The following DISC1 variants were observed in gnomAD, a reference collection of about 807,000 sequenced individuals.
DISC1 encodes disrupted in schizophrenia 1 protein.
A neutral mutation model predicts 84.5 loss-of-function variants in DISC1; 57 were observed. That is an observed-to-expected ratio of 0.67 (90% CI 0.55 to 0.84). The LOEUF (loss-of-function observed/expected upper bound fraction) is 0.84. Ranked by LOEUF, DISC1 falls within the 40% of genes least tolerant of loss-of-function variation. The probability of loss-of-function intolerance (pLI) is 0.00; values close to 1 mark genes in which losing one functional copy is unlikely to be tolerated. For synonymous variants in DISC1, 411 were observed against 415.2 expected, an observed-to-expected ratio of 0.99 and a Z score of 0.12; for missense variants, 1,000 against 1,057.8, an observed-to-expected ratio of 0.95 and a Z score of 0.76.
At chr1:231,893,758 C>T (rs2087448189) in intron 9 of DISC1, among the ~76,000 whole-genome samples, 1 of 152,122 alleles carries the variant, frequency 6.6e-6, no homozygotes, top group Admixed American at 6.5e-5. Context: ...GTTCCATTGG[C>T]AAATGCAAGT....
chr1:231,848,009 T>A (rs1459867103), intron 9 of DISC1, among the ~76,000 whole-genome samples: 1 of 152,200 alleles, frequency 6.6e-6, no homozygotes, highest in African/African-American at 2.4e-5. Context: ...TCCAAGACTT[T>A]ATTTTTTTAG....
At chr1:231,663,368 G>A (rs1408468961) in intron 1 of DISC1, among the ~76,000 whole-genome samples, 1 of 152,178 alleles carries the variant, frequency 6.6e-6, no homozygotes, top group Non-Finnish European at 1.5e-5. Flanking sequence ...GCAATCAAAT[G>A]CCTGAATAAT....
intron 1 of DISC1, chr1:231,629,390 T>C (rs1294909523): frequency 1.3e-5 from 2 of 153,208 alleles, no homozygotes; most frequent in Non-Finnish European, 2.9e-5. Context: ...AGGAAGTTCA[T>C]TGCTCACCCA....
chr1:231,906,845 A>T (rs1310096557), intron 9 of DISC1, among the ~76,000 whole-genome samples: 2 of 152,086 alleles, frequency 1.3e-5, no homozygotes, highest in Non-Finnish European at 2.9e-5. Context: ...AAAAAAAATT[A>T]AGGGGCTTAT....
chr1:232,015,617 CCA>C (rs1252478828), intron 11 of DISC1, among the ~76,000 whole-genome samples: 6 of 152,108 alleles, frequency 3.9e-5, no homozygotes, highest in African/African-American at 1.4e-4. Flanking sequence ...TCAAGAGCTT[CCA>C]CTCCCCAGGA....
chr1:231,732,241 T>C (rs992618481), intron 3 of DISC1, among the ~76,000 whole-genome samples: 3 of 152,240 alleles, frequency 2.0e-5, no homozygotes, highest in African/African-American at 7.2e-5. Context: ...TAGCTATCTA[T>C]GTGCCTAGGG....
At chr1:231,641,087 G>A (rs1263367559) in intron 1 of DISC1, among the ~76,000 whole-genome samples, 1 of 152,350 alleles carries the variant, frequency 6.6e-6, no homozygotes, top group South Asian at 2.1e-4. Context: ...GGTTGGAACT[G>A]TCAAGGTTCC....
chr1:231,853,885 T>C (rs1372814551), intron 9 of DISC1, among the ~76,000 whole-genome samples: 1 of 152,106 alleles, frequency 6.6e-6, no homozygotes, highest in Non-Finnish European at 1.5e-5. Flanking sequence ...GTTTGGGGAG[T>C]CCCAGTGGCC....
intron 10 of DISC1, among the ~76,000 whole-genome samples, chr1:231,973,468 G>C (rs970339439): frequency 1.3e-5 from 2 of 152,240 alleles, no homozygotes; most frequent in Non-Finnish European, 2.9e-5. Context: ...GTAACTTCAG[G>C]CAGGGAAGCC....
intron 9 of DISC1, among the ~76,000 whole-genome samples, chr1:231,953,243 A>G (rs1440074295): frequency 1.3e-5 from 2 of 152,206 alleles, no homozygotes; most frequent in Non-Finnish European, 2.9e-5. Context: ...AGTCAATATC[A>G]TTTGCGTATG....
intron 1 of DISC1, among the ~76,000 whole-genome samples, chr1:231,689,354 A>G (rs1021397973): frequency 6.6e-6 from 1 of 151,728 alleles, no homozygotes; most frequent in African/African-American, 2.4e-5. Flanking sequence ...TTTTTGAGAC[A>G]AGAGTCTTGC....
intron 9 of DISC1, chr1:231,866,655 A>AGTTGAGC: frequency 6.5e-7 from 1 of 1,545,946 alleles, no homozygotes; most frequent in South Asian, 1.3e-5. Context: ...AACTACTATT[A>AGTTGAGC]ATTGAAAGGG....
chr1:231,891,151 A>G (rs1380903762), intron 9 of DISC1, among the ~76,000 whole-genome samples: 14 of 152,208 alleles, frequency 9.2e-5, no homozygotes, highest in African/African-American at 3.4e-4. Flanking sequence ...CCACACTTGA[A>G]GGAGGAGAAT....
intron 9 of DISC1, among the ~76,000 whole-genome samples, chr1:231,933,983 GA>G (rs1201243075): frequency 6.6e-6 from 1 of 152,166 alleles, no homozygotes; most frequent in African/African-American, 2.4e-5. Context: ...TTATTGTTGT[GA>G]ACATAGGCCT....
At chr1:231,771,633 A>C (rs2076556988) in intron 6 of DISC1, 1 of 980,614 alleles carries the variant, frequency 1.0e-6, no homozygotes, top group African/African-American at 1.8e-5. Context: ...ACGTTTAAGA[A>C]GGTTATAATT....
chr1:231,861,915 C>G (rs1394738838), intron 9 of DISC1, among the ~76,000 whole-genome samples: 1 of 152,144 alleles, frequency 6.6e-6, no homozygotes, highest in Admixed American at 6.5e-5. Flanking sequence ...CAATAGTGTG[C>G]TGTTAAATGC....
intron 6 of DISC1, among the ~76,000 whole-genome samples, chr1:231,778,637 G>A (rs1243733125): frequency 6.6e-6 from 1 of 152,100 alleles, no homozygotes; most frequent in African/African-American, 2.4e-5. Flanking sequence ...CGTCATTACA[G>A]GCAACGTGGA....
chr1:231,659,037 A>C (rs2061364589), intron 1 of DISC1, among the ~76,000 whole-genome samples: 1 of 152,144 alleles, frequency 6.6e-6, no homozygotes, highest in Non-Finnish European at 1.5e-5. Context: ...ATTTTTTGGA[A>C]TAATTTCAGT....
intron 9 of DISC1, among the ~76,000 whole-genome samples, chr1:231,948,453 C>A (rs900231890): frequency 1.3e-5 from 2 of 151,844 alleles, no homozygotes; most frequent in African/African-American, 4.8e-5. Context: ...CGGGGCCTGT[C>A]GGGTGGTGGG....
Sources: allele counts gnomAD v4.1 joint callset (sites outside exome capture counted in the v4.1 genomes callset), GRCh38; gene constraint gnomAD v4.1.1; transcripts MANE v1.5; gene names NCBI Gene and HGNC (gene_info 2026-07-23, HGNC 2026-07-21).